The following TP53BP2 variants were observed in gnomAD, a reference collection of about 807,000 sequenced individuals.
TP53BP2 encodes apoptosis-stimulating of p53 protein 2.
In TP53BP2, 62 loss-of-function variants were observed where a neutral mutation model predicts 126.2. That is an observed-to-expected ratio of 0.49 (90% CI 0.40 to 0.61). TP53BP2 has a LOEUF of 0.61. Ranked by LOEUF, TP53BP2 falls within the 20% of genes least tolerant of loss-of-function variation. The pLI, the probability that TP53BP2 is intolerant of heterozygous loss-of-function variation, is 0.00. For missense variants in TP53BP2, 1,215 were observed against 1,402.8 expected, an observed-to-expected ratio of 0.87 and a Z score of 2.14; for synonymous variants, 485 against 502.9, an observed-to-expected ratio of 0.96 and a Z score of 0.48.
At chr1:223,822,765 T>C (rs1663356032) in intron 1 of TP53BP2, among the ~76,000 whole-genome samples, 1 of 151,952 alleles carries the variant, frequency 6.6e-6, no homozygotes, top group South Asian at 2.1e-4. Context: ...ATTAAATTTT[T>C]CACACCTATT....
At chr1:223,831,376 C>T (rs1347700855) in intron 1 of TP53BP2, among the ~76,000 whole-genome samples, 7 of 137,630 alleles carry the variant, frequency 5.1e-5, no homozygotes, top group Admixed American at 1.5e-4. Flanking sequence ...CCAGCTTGGG[C>T]GACAGAGCAA....
At chr1:223,788,790 ACT>A (rs2102834926) in intron 16 of TP53BP2, among the ~76,000 whole-genome samples, 2 of 152,334 alleles carry the variant, frequency 1.3e-5, no homozygotes, top group East Asian at 3.9e-4. Context: ...ATGCTGCAAC[ACT>A]GTCTTTTGTA....
chr1:223,804,100 C>T, intron 6 of TP53BP2, 74 bp downstream of exon 6: 6 of 1,486,502 alleles, frequency 4.0e-6, no homozygotes, highest in African/African-American at 1.4e-5. Context: ...GCCTGGGCAA[C>T]ACAGTAAGAC....
rs975358949 is a variant in TP53BP2, at chr1:223,806,722, G to T, written c.474+124C>A. The T allele has an allele frequency of 5.9e-6, 4 of 674,580 alleles. No homozygotes were observed. The African/African-American group carries it at 7.4e-5, about 12-fold the overall frequency. The allele number at this position is 674,580 out of a possible 1,614,324, so 41.8% of individuals were successfully genotyped here. On this transcript the variant is annotated intron_variant, in intron 5 of 17. Transcript: ENST00000343537. The stretch of plus-strand genomic sequence containing the variant: ...GCCTGTAATCCCAGCTACTTGAGAG[G>T]CTGAGACAGGAGAATCACTTGAACT...
At chr1:223,825,026 A>AACACACACACACAC (rs3058420) in intron 1 of TP53BP2, among the ~76,000 whole-genome samples, 2,479 of 143,518 alleles carry the variant, frequency 0.017, 52 homozygotes, top group African/African-American at 0.044. Context: ...TCCAACACCA[A>AACACACACACACAC]ACACACACAC....
chr1:223,841,038 G>A (rs1664084731), intron 1 of TP53BP2, among the ~76,000 whole-genome samples: 1 of 152,160 alleles, frequency 6.6e-6, no homozygotes, highest in Non-Finnish European at 1.5e-5. Flanking sequence ...GGATCACGGG[G>A]TCAGGAGTTC....
At chr1:223,824,473 C>T (rs1046181034) in intron 1 of TP53BP2, among the ~76,000 whole-genome samples, 1 of 152,230 alleles carries the variant, frequency 6.6e-6, no homozygotes, top group East Asian at 1.9e-4. Flanking sequence ...CTATTTTTGT[C>T]GATTCCCAGG....
chr1:223,843,375 T>C (rs1161459476), intron 1 of TP53BP2, among the ~76,000 whole-genome samples: 4 of 152,172 alleles, frequency 2.6e-5, no homozygotes, highest in African/African-American at 9.7e-5. Flanking sequence ...TTCACCATGT[T>C]GGCCAGGAGG....
chr1:223,792,647 T>A, intron 14 of TP53BP2, 125 bp from the exon 15 acceptor site: 1 of 927,510 alleles, frequency 1.1e-6, no homozygotes, highest in Non-Finnish European at 1.5e-6. Context: ...AAATCATAAT[T>A]AAAACCTATA....
intron 2 of TP53BP2, among the ~76,000 whole-genome samples, chr1:223,819,034 T>C (rs1663199347): frequency 6.6e-6 from 1 of 151,210 alleles, no homozygotes; most frequent in African/African-American, 2.4e-5. Context: ...AAATACAAAA[T>C]TAGTTGGGCG....
At chr1:223,814,171 T>C in intron 3 of TP53BP2, 69 bp downstream of exon 3, 1 of 1,139,912 alleles carries the variant, frequency 8.8e-7, no homozygotes, top group Non-Finnish European at 1.3e-6. Context: ...TCTCATCATG[T>C]GCCACCTACT....
chr1:223,820,301 C>G (rs960011261), intron 2 of TP53BP2, among the ~76,000 whole-genome samples: 2 of 152,158 alleles, frequency 1.3e-5, no homozygotes, highest in Non-Finnish European at 2.9e-5. Context: ...ACTTCACAAC[C>G]TAATATTAAA....
chr1:223,789,773 G>C (rs1000372218), intron 15 of TP53BP2, among the ~76,000 whole-genome samples: 1 of 152,034 alleles, frequency 6.6e-6, no homozygotes, highest in African/African-American at 2.4e-5. Context: ...CTGGTCAGCA[G>C]GAATTTATTA....
At chr1:223,827,752 A>C (rs962282746) in intron 1 of TP53BP2, among the ~76,000 whole-genome samples, 7 of 152,132 alleles carry the variant, frequency 4.6e-5, no homozygotes, top group Non-Finnish European at 7.4e-5. Context: ...ATTTTTTTCC[A>C]ATATGTATCA....
chr1:223,782,227 G>A (rs1661799624), intron 17 of TP53BP2, among the ~76,000 whole-genome samples: 1 of 152,056 alleles, frequency 6.6e-6, no homozygotes, highest in Non-Finnish European at 1.5e-5. Flanking sequence ...TTCAAATCAT[G>A]TTATACACCA....
At chr1:223,832,758 C>G (rs1663785438) in intron 1 of TP53BP2, among the ~76,000 whole-genome samples, 1 of 152,224 alleles carries the variant, frequency 6.6e-6, no homozygotes, top group South Asian at 2.1e-4. Flanking sequence ...GCTCACTCTG[C>G]CAGCTGAGTC....
intron 16 of TP53BP2, among the ~76,000 whole-genome samples, chr1:223,785,858 C>G (rs771954752): frequency 2.0e-5 from 3 of 152,028 alleles, no homozygotes; most frequent in African/African-American, 7.2e-5. Context: ...CCAAATCCAC[C>G]AAGAGTCAAA....
intron 4 of TP53BP2, among the ~76,000 whole-genome samples, chr1:223,807,805 T>C (rs188568050): frequency 7.9e-5 from 12 of 152,250 alleles, no homozygotes; most frequent in Admixed American, 1.3e-4. Flanking sequence ...TGCAAATAAA[T>C]GGAGAGTTAC....
chr1:223,839,171 C>T (rs1664021878), intron 1 of TP53BP2, among the ~76,000 whole-genome samples: 2 of 152,226 alleles, frequency 1.3e-5, no homozygotes, highest in Non-Finnish European at 2.9e-5. Context: ...CATTTGCCAT[C>T]TTGAACAGAG....
Sources: allele counts gnomAD v4.1 joint callset (sites outside exome capture counted in the v4.1 genomes callset), GRCh38; gene constraint gnomAD v4.1.1; transcripts MANE v1.5; gene names NCBI Gene and HGNC (gene_info 2026-07-23, HGNC 2026-07-21).